SGMS1: variants seen among roughly 807,000 people sequenced by gnomAD.
SGMS1 encodes the protein sphingomyelin synthase 1.
In SGMS1, 13 loss-of-function variants were observed where a neutral mutation model predicts 46.2. That is an observed-to-expected ratio of 0.28 (90% CI 0.18 to 0.45). The LOEUF (loss-of-function observed/expected upper bound fraction) is 0.45. Ranked by LOEUF, SGMS1 falls within the 20% of genes least tolerant of loss-of-function variation. The pLI is 1.00. For synonymous variants in SGMS1, 203 were observed against 187.8 expected (o/e 1.08, Z -0.66); for missense variants, 324 against 519.9 (o/e 0.62, Z 3.66).
chr10:50,458,163 T>A (rs1457561873), intron 5 of SGMS1, among the ~76,000 whole-genome samples: 1 of 152,224 alleles, frequency 6.6e-6, no homozygotes, highest in African/African-American at 2.4e-5. Context: ...GGATGAGGCT[T>A]ATTTAGCTGT....
intron 8 of SGMS1, among the ~76,000 whole-genome samples, chr10:50,317,211 A>G (rs1414048292): frequency 1.3e-5 from 2 of 152,226 alleles, no homozygotes; most frequent in Non-Finnish European, 2.9e-5. Flanking sequence ...AATGCTTTAG[A>G]TTTCAAAGCA....
At position 50,595,241 on chromosome 10, in the gene SGMS1, T is replaced by C. The variant is rs548472964; in HGVS notation, c.-683-4994A>G. 9.9e-5 allele frequency among the ~76,000 whole-genome samples: 15 copies of C among 152,230 alleles called. No individual in the cohort carries two copies. The South Asian group carries it at 3.1e-3, about 32-fold the overall frequency. ...CCCAGGCTGGAGTGCAGTAGCACGA[T>C]CTCGGCTCACTGCCACCTCCACCTC... On this transcript the variant is annotated intron_variant, in intron 1 of 10. Transcript: ENST00000361781.
intron 2 of SGMS1, among the ~76,000 whole-genome samples, chr10:50,555,007 T>C (rs1175004856): frequency 6.6e-6 from 1 of 152,112 alleles, no homozygotes; most frequent in East Asian, 1.9e-4. Flanking sequence ...TTCCCAGAGG[T>C]CCTGGACACC....
At chr10:50,421,689 A>G (rs1052788763) in intron 6 of SGMS1, among the ~76,000 whole-genome samples, 1 of 152,174 alleles carries the variant, frequency 6.6e-6, no homozygotes, top group Non-Finnish European at 1.5e-5. Flanking sequence ...ATGGTGGCCC[A>G]TGGGTCTCTT....
At chr10:50,366,501 C>T (rs139052846) in intron 6 of SGMS1, among the ~76,000 whole-genome samples, 9 of 152,204 alleles carry the variant, frequency 5.9e-5, no homozygotes, top group East Asian at 5.8e-4. Flanking sequence ...CACATGCACA[C>T]GTATGTTTAT....
intron 2 of SGMS1, among the ~76,000 whole-genome samples, chr10:50,581,912 T>C (rs1838438387): frequency 6.6e-6 from 1 of 152,140 alleles, no homozygotes; most frequent in African/African-American, 2.4e-5. Context: ...TCAAAAGAAA[T>C]TGAGAAAAAG....
Position 50,332,587 on chromosome 10 carries a change from A to T in SGMS1, c.624-5265T>A, listed in dbSNP as rs375734806. 8.1e-5 allele frequency among the ~76,000 whole-genome samples: 12 copies of T among 148,038 alleles called. No homozygotes were observed. The East Asian group carries it at 2.4e-3, about 29-fold the overall frequency. On this transcript the variant is annotated intron_variant, in intron 7 of 10. Coordinates refer to ENST00000361781, the MANE Select transcript of SGMS1 (RefSeq NM_147156.4). ...TCATAGCTTTCTTCAACTCCCTTCA[A>T]CATGACATCTCCTTTTTTTAAGTCT...
At chr10:50,527,900 C>A (rs1340768291) in intron 2 of SGMS1, among the ~76,000 whole-genome samples, 3 of 152,188 alleles carry the variant, frequency 2.0e-5, no homozygotes, top group African/African-American at 7.2e-5. Flanking sequence ...CCAACGGCAG[C>A]TCTGTGGTCT....
intron 2 of SGMS1, among the ~76,000 whole-genome samples, chr10:50,550,517 C>G (rs963805742): frequency 6.6e-6 from 1 of 152,190 alleles, no homozygotes; most frequent in African/African-American, 2.4e-5. Context: ...CCTCTGGCTC[C>G]AGCCTTATCT....
intron 6 of SGMS1, among the ~76,000 whole-genome samples, chr10:50,409,173 A>G (rs1398633922): frequency 1.3e-5 from 2 of 152,190 alleles, no homozygotes; most frequent in Non-Finnish European, 2.9e-5. Flanking sequence ...TTTTGCATGC[A>G]TAGACTGTGA....
intron 1 of SGMS1, among the ~76,000 whole-genome samples, chr10:50,605,495 GAT>G (rs1324044934): frequency 5.9e-5 from 9 of 152,224 alleles, no homozygotes; most frequent in African/African-American, 1.9e-4. Flanking sequence ...CAGAGCAAAA[GAT>G]ATGAAAACAC....
chr10:50,600,816 C>A (rs1418656729), intron 1 of SGMS1, among the ~76,000 whole-genome samples: 1 of 152,160 alleles, frequency 6.6e-6, no homozygotes, highest in Non-Finnish European at 1.5e-5. Context: ...TCAAGCACAT[C>A]CACTCTGGAA....
intron 2 of SGMS1, among the ~76,000 whole-genome samples, chr10:50,528,032 A>C (rs3011780): frequency 0.17 from 26,291 of 152,186 alleles, 2,944 homozygotes; most frequent in Non-Finnish European, 0.25. Context: ...TAAAATAATA[A>C]AAATACTAAA....
intron 2 of SGMS1, among the ~76,000 whole-genome samples, chr10:50,560,869 G>A (rs1310045300): frequency 6.6e-6 from 1 of 152,044 alleles, no homozygotes. Context: ...TGCATCCAGT[G>A]CCTTTATACC....
At position 50,343,744 on chromosome 10, in the gene SGMS1, T is replaced by C. The variant is rs1405567856; in HGVS notation, c.371A>G (p.Glu124Gly). 6.2e-7 allele frequency: 1 copy of C among 1,614,026 alleles called. No individual in the cohort carries two copies. The highest frequency in any genetic ancestry group is 1.3e-5 in the African/African-American group (1 of 74,908). Reference sequence around the variant, plus strand: ...CCACTCCATGGGGTACTGAGAGCGCTCCAGTTCTGGCATGGGGATCTTTAT... The same window carrying C: ...CCACTCCATGGGGTACTGAGAGCGCCCCAGTTCTGGCATGGGGATCTTTAT... ...EMIKIPMPEL[E>G]RSQYPMEWGK... The change falls in exon 7 of 11, where the codon GAG (glutamate) becomes GGG (glycine). Residue 124 changes from glutamate to glycine, a missense_variant. By Grantham distance (98) the Glu-to-Gly change is moderately conservative. Transcript: ENST00000361781.
chr10:50,494,401 G>A (rs1837592668), intron 3 of SGMS1, among the ~76,000 whole-genome samples: 1 of 152,192 alleles, frequency 6.6e-6, no homozygotes, highest in African/African-American at 2.4e-5. Flanking sequence ...GTGGTAGACT[G>A]GATAAAGGAA....
intron 4 of SGMS1, among the ~76,000 whole-genome samples, chr10:50,464,099 A>G (rs1038575059): frequency 6.6e-6 from 1 of 152,236 alleles, no homozygotes; most frequent in Non-Finnish European, 1.5e-5. Context: ...AATGTTCTAG[A>G]GAGCTTTTGC....
chr10:50,327,122 G>C (rs544051415), intron 8 of SGMS1, 83 bp downstream of exon 8: 1 of 785,304 alleles, frequency 1.3e-6, no homozygotes, highest in Non-Finnish European at 2.2e-6. Context: ...CTGAAGAAAC[G>C]TTTTCCTGCA....
intron 3 of SGMS1, among the ~76,000 whole-genome samples, chr10:50,519,599 T>G (rs1837839809): frequency 1.3e-5 from 2 of 152,222 alleles, no homozygotes; most frequent in South Asian, 2.1e-4. Context: ...CGGCCCAGAT[T>G]GCTTGCCTTC....
Sources: allele counts gnomAD v4.1 joint callset (sites outside exome capture counted in the v4.1 genomes callset), GRCh38; gene constraint gnomAD v4.1.1; transcripts MANE v1.5; gene names NCBI Gene and HGNC (gene_info 2026-07-23, HGNC 2026-07-21).